The following MAML3 variants were observed in gnomAD, a reference collection of about 807,000 sequenced individuals.
MAML3 encodes the protein mastermind like transcriptional coactivator 3.
Under a neutral mutation model 101.9 loss-of-function variants are expected in MAML3, and 27 were observed. The observed-to-expected ratio is 0.27, with a 90% CI of 0.20 to 0.37. MAML3 has a LOEUF of 0.37. Among genes scored for constraint, MAML3 ranks in the 10% least tolerant of loss-of-function variants. The pLI is 1.00. For missense variants in MAML3, 1,316 were observed against 1,444.9 expected (o/e 0.91, Z 1.45); for synonymous variants, 501 against 555.9 (o/e 0.90, Z 1.39).
intron 1 of MAML3, among the ~76,000 whole-genome samples, chr4:140,073,335 A>G (rs1341636594): frequency 6.6e-6 from 1 of 152,026 alleles, no homozygotes; most frequent in Non-Finnish European, 1.5e-5. Flanking sequence ...ACAGGGTTTC[A>G]CCATGTCGGC....
intron 1 of MAML3, among the ~76,000 whole-genome samples, chr4:139,915,267 C>G (rs1461297602): frequency 6.6e-6 from 1 of 152,220 alleles, no homozygotes; most frequent in Non-Finnish European, 1.5e-5. Context: ...CTTGAATTAA[C>G]AGCTCACAGG....
chr4:139,995,467 CTG>C (rs1485308693), intron 1 of MAML3, among the ~76,000 whole-genome samples: 1 of 152,098 alleles, frequency 6.6e-6, no homozygotes, highest in African/African-American at 2.4e-5. Flanking sequence ...CCATCTGGGC[CTG>C]TGCTTTTCGG....
chr4:139,793,228 T>C (rs1730450686), intron 2 of MAML3, among the ~76,000 whole-genome samples: 1 of 152,118 alleles, frequency 6.6e-6, no homozygotes, highest in Non-Finnish European at 1.5e-5. Context: ...ACAGGTTCAT[T>C]GGAAAGAGCA....
At chr4:139,843,631 T>C (rs1027460738) in intron 2 of MAML3, among the ~76,000 whole-genome samples, 1 of 152,240 alleles carries the variant, frequency 6.6e-6, no homozygotes, top group African/African-American at 2.4e-5. Context: ...TACCTGTTCA[T>C]AGATGTAGGT....
chr4:140,122,514 C>T (rs951070233), intron 1 of MAML3, among the ~76,000 whole-genome samples: 18 of 152,064 alleles, frequency 1.2e-4, no homozygotes, highest in African/African-American at 4.1e-4. Flanking sequence ...CATTTTGGGC[C>T]GGGCGCGGTG....
intron 1 of MAML3, among the ~76,000 whole-genome samples, chr4:140,119,680 G>T (rs1430964309): frequency 7.3e-6 from 1 of 137,638 alleles, no homozygotes; most frequent in African/African-American, 2.8e-5. Flanking sequence ...ACAGCACGGT[G>T]GCACAATCAT....
intron 1 of MAML3, among the ~76,000 whole-genome samples, chr4:140,001,110 C>T (rs981933122): frequency 7.9e-5 from 12 of 152,204 alleles, no homozygotes; most frequent in African/African-American, 2.9e-4. Flanking sequence ...AGAACCAAAT[C>T]TCAAACTATC....
At chr4:139,894,515 GAAAGA>G (rs1311829824) in intron 1 of MAML3, among the ~76,000 whole-genome samples, 1 of 61,444 alleles carries the variant, frequency 1.6e-5, no homozygotes, top group Non-Finnish European at 3.6e-5. Flanking sequence ...TCTTAAAAAA[GAAAGA>G]AAGAAAGAAA....
At chr4:139,777,790 G>A (rs1388364445) in intron 2 of MAML3, among the ~76,000 whole-genome samples, 2 of 152,212 alleles carry the variant, frequency 1.3e-5, no homozygotes, top group South Asian at 2.1e-4. Flanking sequence ...TTTGACCATG[G>A]TCTTCCAGGC....
At chr4:139,800,640 C>T (rs1248585889) in intron 2 of MAML3, among the ~76,000 whole-genome samples, 1 of 152,112 alleles carries the variant, frequency 6.6e-6, no homozygotes, top group Admixed American at 6.5e-5. Flanking sequence ...ATTGTACACG[C>T]AAGATAAAAC....
chr4:139,788,813 T>C (rs934418758), intron 2 of MAML3, among the ~76,000 whole-genome samples: 6 of 152,224 alleles, frequency 3.9e-5, no homozygotes, highest in Middle Eastern at 3.2e-3. Flanking sequence ...CTAGAAGCCA[T>C]TGATAGACCA....
At chr4:140,106,940 G>A (rs887439145) in intron 1 of MAML3, among the ~76,000 whole-genome samples, 3 of 152,060 alleles carry the variant, frequency 2.0e-5, no homozygotes, top group Non-Finnish European at 1.5e-5. Flanking sequence ...GCATGATCTC[G>A]GCTCACTGCA....
chr4:139,936,653 T>C (rs1250711181), intron 1 of MAML3, among the ~76,000 whole-genome samples: 2 of 152,076 alleles, frequency 1.3e-5, no homozygotes, highest in East Asian at 1.9e-4. Flanking sequence ...GCTATGATCA[T>C]ACCTGTGAAT....
chr4:139,737,051 C>A (rs1205959160), intron 2 of MAML3, among the ~76,000 whole-genome samples: 2 of 152,164 alleles, frequency 1.3e-5, no homozygotes, highest in Admixed American at 6.6e-5. Context: ...CCAGTTGCAA[C>A]TGTGCTGTGG....
At chr4:140,090,466 C>A (rs1336255929) in intron 1 of MAML3, among the ~76,000 whole-genome samples, 1 of 152,226 alleles carries the variant, frequency 6.6e-6, no homozygotes, top group Non-Finnish European at 1.5e-5. Context: ...AGGCACTGTT[C>A]TAAGTGCTTA....
intron 2 of MAML3, among the ~76,000 whole-genome samples, chr4:139,884,729 T>A (rs563850324): frequency 6.6e-5 from 10 of 152,382 alleles, no homozygotes; most frequent in Admixed American, 6.5e-4. Flanking sequence ...ACTTGCCTTT[T>A]CAGCTTTTCT....
intron 1 of MAML3, among the ~76,000 whole-genome samples, chr4:140,001,252 A>C (rs1734919062): frequency 6.6e-6 from 1 of 152,246 alleles, no homozygotes; most frequent in South Asian, 2.1e-4. Context: ...ATGTTAAAAC[A>C]CATTTGCAGA....
intron 1 of MAML3, among the ~76,000 whole-genome samples, chr4:140,047,791 C>T (rs1727206238): frequency 7.0e-6 from 1 of 143,180 alleles, no homozygotes; most frequent in East Asian, 2.1e-4. Context: ...CTGTAAATAG[C>T]TCTGGTTTAG....
At chr4:140,102,408 G>T (rs1728269216) in intron 1 of MAML3, among the ~76,000 whole-genome samples, 1 of 152,184 alleles carries the variant, frequency 6.6e-6, no homozygotes, top group East Asian at 1.9e-4. Flanking sequence ...GGAAGTCCAA[G>T]ATCAAGGTGC....
Sources: gnomAD v4.1 joint callset for allele counts (sites outside exome capture counted in the v4.1 genomes callset) on GRCh38, gnomAD v4.1.1 for gene constraint, MANE v1.5 for transcripts, NCBI Gene and HGNC (gene_info 2026-07-23, HGNC 2026-07-21) for gene names.